Variants in EFHC2 observed in about 807,000 individuals in gnomAD.
EFHC2 encodes the protein EF-hand domain-containing family member C2.
In EFHC2, 18 loss-of-function variants were observed where a neutral mutation model predicts 52.7. That is an observed-to-expected ratio of 0.34 (90% confidence interval 0.24 to 0.51). EFHC2 has a LOEUF of 0.51. Ranked by LOEUF, EFHC2 falls within the 20% of genes least tolerant of loss-of-function variation. The pLI is 0.97. For synonymous variants in EFHC2, 203 were observed against 204.1 expected, an observed-to-expected ratio of 0.99 and a Z score of 0.04; for missense variants, 513 against 562.5, an observed-to-expected ratio of 0.91 and a Z score of 0.89.
At chrX:44,156,727 G>A (rs190789332) in intron 14 of EFHC2, among the ~76,000 whole-genome samples, 172 of 112,561 alleles carry the variant, frequency 1.5e-3, no homozygotes, top group African/African-American at 5.1e-3. Context: ...CACAGTGTAA[G>A]TTATAAAGTT....
chrX:44,206,368 A>G lies in EFHC2; in HGVS notation c.1751+23281T>C, dbSNP rs189223978. Among the ~76,000 whole-genome samples, 3 of 111,649 alleles carry G rather than the reference A, an allele frequency of 2.7e-5. No homozygotes were observed. In the East Asian group the frequency reaches 8.5e-4, roughly 32 times the overall value. On this transcript the variant is annotated intron_variant, in intron 11 of 14. Coordinates refer to ENST00000420999, the MANE Select transcript of EFHC2 (RefSeq NM_025184.4). Reference sequence around the variant, plus strand: ...TTGGAAGTCCTAGCCAGGGCAATCAAGCAAGAGAAAGAAATAAAAGGCATC... The same window carrying G: ...TTGGAAGTCCTAGCCAGGGCAATCAGGCAAGAGAAAGAAATAAAAGGCATC...
intron 2 of EFHC2, among the ~76,000 whole-genome samples, chrX:44,308,382 A>T (rs1035189897): frequency 1.8e-5 from 2 of 111,049 alleles, no homozygotes; most frequent in African/African-American, 6.6e-5. Flanking sequence ...CACATAAAAA[A>T]GACCTCAATA....
At position 44,232,643 on chromosome X, in the gene EFHC2, G is replaced by T; in HGVS notation, c.1458C>A (p.Arg486=). The change falls in exon 10 of 15, where the codon CGC becomes CGA. Residue 486 remains arginine (R), a synonymous_variant. Transcript: ENST00000420999. ...IAGGMFLKRS[R]VKKPGQEVFK... is the part of the protein sequence containing the mutation. ...AGACTTCTTGTCCAGGCTTCTTAAC[G>T]CGACTTCTTTTCAAGAACATCCCAC... 8.3e-7 allele frequency: 1 copy of T among 1,198,049 alleles called. No homozygotes were observed. The highest frequency in any genetic ancestry group is 3.0e-5 in the East Asian group (1 of 33,483).
At chrX:44,228,357 A>G (rs1471706640) in intron 11 of EFHC2, among the ~76,000 whole-genome samples, 1 of 112,009 alleles carries the variant, frequency 8.9e-6, no homozygotes, top group Non-Finnish European at 1.9e-5. Flanking sequence ...CGAGTGCTGG[A>G]AAAATGGATG....
intron 2 of EFHC2, among the ~76,000 whole-genome samples, chrX:44,305,474 A>AT (rs201414627): frequency 0.012 from 1,346 of 111,246 alleles, 18 homozygotes; most frequent in African/African-American, 0.042. Context: ...CATTAATTTG[A>AT]TTTTTTAAAA....
At chrX:44,181,446 G>A (rs2036835109) in intron 11 of EFHC2, among the ~76,000 whole-genome samples, 1 of 111,342 alleles carries the variant, frequency 9.0e-6, no homozygotes, top group South Asian at 3.8e-4. Context: ...AAAAGAACAT[G>A]TGGAGCAATA....
At chrX:44,190,879 G>A (rs1321716438) in intron 11 of EFHC2, among the ~76,000 whole-genome samples, 2 of 111,515 alleles carry the variant, frequency 1.8e-5, no homozygotes, top group East Asian at 2.8e-4. Context: ...TGCACCCTGC[G>A]ATGGGATGGT....
chrX:44,216,961 A>C (rs776968504), intron 11 of EFHC2, among the ~76,000 whole-genome samples: 1 of 111,877 alleles, frequency 8.9e-6, no homozygotes, highest in African/African-American at 3.2e-5. Flanking sequence ...ATATCTACAA[A>C]CTACCCATCT....
At chrX:44,199,723 A>T (rs930326420) in intron 11 of EFHC2, among the ~76,000 whole-genome samples, 4 of 112,188 alleles carry the variant, frequency 3.6e-5, no homozygotes, top group African/African-American at 1.3e-4. Context: ...CAACATCACC[A>T]GTAGTAAGAC....
intron 11 of EFHC2, among the ~76,000 whole-genome samples, chrX:44,221,627 C>G (rs2037194278): frequency 9.0e-6 from 1 of 111,621 alleles, no homozygotes; most frequent in African/African-American, 3.2e-5. Context: ...CATAATCAAT[C>G]AGTCAATTTA....
chrX:44,326,179 C>G (rs2038050730), intron 1 of EFHC2, among the ~76,000 whole-genome samples: 1 of 110,220 alleles, frequency 9.1e-6, no homozygotes, highest in African/African-American at 3.3e-5. Context: ...CAGACATGAG[C>G]CACCATGTCT....
At chrX:44,290,134 T>C (rs1000237921) in intron 2 of EFHC2, among the ~76,000 whole-genome samples, 2 of 112,244 alleles carry the variant, frequency 1.8e-5, no homozygotes, top group African/African-American at 6.5e-5. Flanking sequence ...CAACCTGCCA[T>C]CATCTCATTG....
Position 44,160,058 on chromosome X carries a change from G to A in EFHC2, c.2148+3864C>T, listed in dbSNP as rs372458455. 1.1e-3 allele frequency among the ~76,000 whole-genome samples: 121 copies of A among 112,179 alleles called. 1 individual carries two copies. The South Asian group carries it at 0.042, about 39-fold the overall frequency. Reference sequence around the variant, plus strand: ...TAAAAAGTCACCCAGTTAGTTGATCGTAGAGCTAAGGATTTGAACTAGGGT... The same window carrying A: ...TAAAAAGTCACCCAGTTAGTTGATCATAGAGCTAAGGATTTGAACTAGGGT... On this transcript the variant is annotated intron_variant, in intron 14 of 14. Transcript: ENST00000420999.
At chrX:44,219,175 A>G (rs2037175530) in intron 11 of EFHC2, among the ~76,000 whole-genome samples, 1 of 105,886 alleles carries the variant, frequency 9.4e-6, no homozygotes, top group South Asian at 4.1e-4. Flanking sequence ...CTAAAGTGAA[A>G]AAAATATATA....
chrX:44,286,642 A>T (rs1569301239), intron 2 of EFHC2, among the ~76,000 whole-genome samples: 1 of 111,476 alleles, frequency 9.0e-6, no homozygotes, highest in Non-Finnish European at 1.9e-5. Context: ...ACTTGTCTTT[A>T]AAAAAATGTA....
At chrX:44,299,539 G>A (rs2037853270) in intron 2 of EFHC2, among the ~76,000 whole-genome samples, 1 of 111,187 alleles carries the variant, frequency 9.0e-6, no homozygotes, top group Non-Finnish European at 1.9e-5. Context: ...GCCTCTCCCC[G>A]GCTTTGTGTT....
intron 2 of EFHC2, among the ~76,000 whole-genome samples, chrX:44,311,711 C>A (rs925800199): frequency 5.3e-5 from 6 of 112,236 alleles, no homozygotes; most frequent in African/African-American, 1.6e-4. Flanking sequence ...AATTCCAACT[C>A]TTGTCTAATA....
At chrX:44,263,859 A>G (rs1016593761) in intron 3 of EFHC2, among the ~76,000 whole-genome samples, 26 of 111,976 alleles carry the variant, frequency 2.3e-4, no homozygotes, top group African/African-American at 8.4e-4. Flanking sequence ...AATTCAAATA[A>G]GCAAGTTAGC....
chrX:44,292,272 A>C (rs2037798035), intron 2 of EFHC2, among the ~76,000 whole-genome samples: 1 of 110,958 alleles, frequency 9.0e-6, no homozygotes, highest in African/African-American at 3.3e-5. Flanking sequence ...CCATATCCGA[A>C]ATTCTTGAGA....
Sources: allele counts gnomAD v4.1 joint callset (sites outside exome capture counted in the v4.1 genomes callset), GRCh38; gene constraint gnomAD v4.1.1; transcripts MANE v1.5; gene names NCBI Gene and HGNC (gene_info 2026-07-23, HGNC 2026-07-21).